The following USP7 variants were observed in gnomAD, a reference collection of about 807,000 sequenced individuals.
USP7 encodes the protein ubiquitin C-terminal hydrolase 7.
In USP7, 9 loss-of-function variants were observed where a neutral mutation model predicts 162.9. That is an observed-to-expected ratio of 0.06 (90% CI 0.03 to 0.10). The LOEUF (loss-of-function observed/expected upper bound fraction) is 0.10. USP7 is among the 10% of genes least tolerant of loss of function. USP7 has a pLI of 1.00. For synonymous variants in USP7, 562 were observed against 475.9 expected (o/e 1.18, Z -2.35); for missense variants, 715 against 1,373.7 (o/e 0.52, Z 7.58).
intron 1 of USP7, among the ~76,000 whole-genome samples, chr16:8,950,272 T>G (rs1899489566): frequency 6.6e-6 from 1 of 152,052 alleles, no homozygotes; most frequent in Non-Finnish European, 1.5e-5. Flanking sequence ...TATCTAGGCT[T>G]GCAGAGTAGA....
chr16:8,954,823 G>T (rs962941733), intron 1 of USP7, among the ~76,000 whole-genome samples: 1 of 152,118 alleles, frequency 6.6e-6, no homozygotes. Flanking sequence ...TAGCCGGTGC[G>T]GTGAGGGGCG....
chr16:8,900,020 G>A (rs1567208473), intron 21 of USP7: 1 of 539,878 alleles, frequency 1.9e-6, no homozygotes, highest in East Asian at 3.3e-5. Flanking sequence ...TTAGGTAACA[G>A]CACCTGCTCT....
In USP7 at chr16:8,912,449, C is replaced by CAA. The variant is rs60623981; in HGVS notation, c.1079-1624_1079-1623dup. On this transcript the variant is annotated intron_variant, in intron 10 of 30. Coordinates refer to ENST00000344836, the MANE Select transcript of USP7 (RefSeq NM_003470.3). The stretch of plus-strand genomic sequence containing the variant: ...GGGGCGACAGAGTGAGACTCCATGT[C>CAA]AAAAAAAAAAAAAGAAAGAAAAAAG... Among the ~76,000 whole-genome samples the CAA allele has an allele frequency of 2.3e-3, 278 of 122,950 alleles. 1 individual carries two copies. The highest frequency in any genetic ancestry group is 5.5e-3 in the East Asian group (24 of 4,382). The allele number at this position is 122,950 out of a possible 152,430, so 80.7% of individuals were successfully genotyped here. A position where few individuals can be genotyped will look rare whatever the true frequency, so the allele number is the denominator to read the frequency against.
At chr16:8,909,008 C>G (rs2141187099) in intron 11 of USP7, among the ~76,000 whole-genome samples, 1 of 152,316 alleles carries the variant, frequency 6.6e-6, no homozygotes, top group East Asian at 1.9e-4. Context: ...GCTTATGGTT[C>G]AATCCCACTT....
At chr16:8,960,552 A>G (rs1193809773) in intron 1 of USP7, among the ~76,000 whole-genome samples, 1 of 152,168 alleles carries the variant, frequency 6.6e-6, no homozygotes, top group Non-Finnish European at 1.5e-5. Context: ...TGCAGGCAGG[A>G]TGCTCCAGGT....
rs759805104 is a variant in USP7 at position 8,894,875 on chromosome 16, G to A, written c.3040-20C>T. 16 of 1,614,070 alleles carry A rather than the reference G, an allele frequency of 9.9e-6. No individual in the cohort carries two copies. The highest frequency in any genetic ancestry group is 1.3e-5 in the African/African-American group (1 of 74,940). On this transcript the variant is annotated intron_variant, in intron 28 of 30. Coordinates refer to ENST00000344836, the MANE Select transcript of USP7 (RefSeq NM_003470.3). ...CTCGCCCTAGAATGGCAAAGGACAT[G>A]TGCTCACACAGTCACTCCCAGCACC... is the stretch of plus-strand genomic sequence containing the variant.
chr16:8,926,646 GTATTATTT>G (rs1213456081), intron 2 of USP7, among the ~76,000 whole-genome samples: 4 of 152,184 alleles, frequency 2.6e-5, no homozygotes, highest in African/African-American at 4.8e-5. Flanking sequence ...TGGATCCTAT[GTATTATTT>G]TTTTGCAACT....
At chr16:8,896,605 G>A (rs1483347959) in intron 26 of USP7, among the ~76,000 whole-genome samples, 1 of 152,116 alleles carries the variant, frequency 6.6e-6, no homozygotes, top group Non-Finnish European at 1.5e-5. Flanking sequence ...TACAAAATCA[G>A]GAGTCACCCC....
intron 22 of USP7, 128 bp downstream of exon 22, chr16:8,899,476 G>C (rs1246957836): frequency 1.7e-6 from 2 of 1,200,276 alleles, no homozygotes. Flanking sequence ...TCCATCAGTG[G>C]GAGATTTCCT....
At chr16:8,915,143 G>C (rs1442454987) in intron 10 of USP7, 111 bp downstream of exon 10, 1 of 1,027,766 alleles carries the variant, frequency 9.7e-7, no homozygotes, top group East Asian at 2.5e-5. Context: ...TAAGATCTGA[G>C]CCATTCTCTG....
rs529902649 is a variant in USP7, at chr16:8,904,972, AAAAAT to A, written c.1573+210_1573+214del. Among the ~76,000 whole-genome samples, 59 of 152,276 alleles carry A rather than the reference AAAAAT, an allele frequency of 3.9e-4. 1 individual carries two copies. The East Asian group carries it at 0.01, about 26-fold the overall frequency. Reference sequence around the variant, plus strand: ...GGGCAAGAGCAAGACTCCGTCTCAAAAAAATAAAATAAAATAATCTATTAACATGA... The same window carrying A: ...GGGCAAGAGCAAGACTCCGTCTCAAAAAAATAAAATAATCTATTAACATGA... On this transcript the variant is annotated intron_variant, in intron 14 of 30. Coordinates refer to ENST00000344836, the MANE Select transcript of USP7 (RefSeq NM_003470.3).
At chr16:8,931,609 C>G (rs999675368) in intron 1 of USP7, among the ~76,000 whole-genome samples, 2 of 152,182 alleles carry the variant, frequency 1.3e-5, no homozygotes, top group Non-Finnish European at 1.5e-5. Context: ...AATGCTTGGG[C>G]TGAAAAACAC....
chr16:8,931,210 A>G (rs551308599), intron 1 of USP7, among the ~76,000 whole-genome samples: 1 of 149,444 alleles, frequency 6.7e-6, no homozygotes, highest in African/African-American at 2.5e-5. Flanking sequence ...TTTTTCTGAG[A>G]CAGAGTCTCG....
chr16:8,899,174 A>T lies in USP7; in HGVS notation c.2478T>A (p.Val826=), dbSNP rs747922264. Residue 826 remains valine, a synonymous_variant, in exon 23 of 31, where the codon GTT becomes GTA. Transcript: ENST00000344836. Reference sequence around the variant, plus strand: ...TTGGATCTGTGTTGAGCCTCTGTGCAACTGTCTTTGCAACCTAAGACACAG... The same window carrying T: ...TTGGATCTGTGTTGAGCCTCTGTGCTACTGTCTTTGCAACCTAAGACACAG... ...RMNYFQVAKT[V]AQRLNTDPML... is the part of the protein sequence containing the mutation. 2 of 1,614,192 alleles carry T rather than the reference A, an allele frequency of 1.2e-6. No individual in the cohort carries two copies. Among genetic ancestry groups the T allele is most frequent in the East Asian group, 4.5e-5 (2 of 44,890 alleles).
chr16:8,930,267 C>A, intron 2 of USP7, 26 bp downstream of exon 2: 4 of 1,577,348 alleles, frequency 2.5e-6, no homozygotes, highest in Non-Finnish European at 3.5e-6. Flanking sequence ...CCGCCCACTG[C>A]GAGGCGGTGA....
intron 12 of USP7, among the ~76,000 whole-genome samples, 176 bp from the exon 13 acceptor site, chr16:8,906,758 C>T (rs547032874): frequency 7.2e-5 from 11 of 152,170 alleles, no homozygotes; most frequent in African/African-American, 2.4e-4. Flanking sequence ...AATAACTATT[C>T]CTAGTCAACA....
At chr16:8,938,576 G>A (rs1218756868) in intron 1 of USP7, among the ~76,000 whole-genome samples, 1 of 152,070 alleles carries the variant, frequency 6.6e-6, no homozygotes, top group East Asian at 1.9e-4. Context: ...GCTGGGCACG[G>A]TGGCAGGCAC....
At chr16:8,942,662 C>G (rs1477877986) in intron 1 of USP7, among the ~76,000 whole-genome samples, 1 of 152,204 alleles carries the variant, frequency 6.6e-6, no homozygotes, top group East Asian at 1.9e-4. Context: ...ATCCTCCCAC[C>G]TCAAGCTCTT....
chr16:8,932,242 C>A (rs77188284), intron 1 of USP7, among the ~76,000 whole-genome samples: 1 of 152,178 alleles, frequency 6.6e-6, no homozygotes, highest in African/African-American at 2.4e-5. Flanking sequence ...TCTTGATAGT[C>A]TCTTAATACA....
Sources: allele counts gnomAD v4.1 joint callset (sites outside exome capture counted in the v4.1 genomes callset), GRCh38; gene constraint gnomAD v4.1.1; transcripts MANE v1.5; gene names NCBI Gene and HGNC (gene_info 2026-07-23, HGNC 2026-07-21).